Variants in LRRC37A2 observed in about 807,000 individuals in gnomAD.
LRRC37A2 encodes leucine rich repeat containing 37 member A2.
A neutral mutation model predicts 68.8 loss-of-function variants in LRRC37A2; 9 were observed. The ratio of observed to expected loss-of-function variants is 0.13; its 90% CI spans 0.08 to 0.23. LRRC37A2 has a LOEUF of 0.23. Ranked by LOEUF, LRRC37A2 falls within the 10% of genes least tolerant of loss-of-function variation. LRRC37A2 has a pLI of 1.00. For missense variants in LRRC37A2, 168 were observed against 950.4 expected, an observed-to-expected ratio of 0.18 and a Z score of 10.82; for synonymous variants, 63 against 367.6, an observed-to-expected ratio of 0.17 and a Z score of 9.48.
the LRRC37A2 span, among the ~76,000 whole-genome samples, chr17:46,902,743 AC>A: frequency 6.6e-6 from 1 of 152,056 alleles, no homozygotes; most frequent in African/African-American, 2.4e-5. Flanking sequence ...TGAGTAGCCA[AC>A]CCTGTGGTCA....
chr17:46,864,026 A>T, the LRRC37A2 span, among the ~76,000 whole-genome samples: 1 of 152,214 alleles, frequency 6.6e-6, no homozygotes, highest in Non-Finnish European at 1.5e-5. Flanking sequence ...TGTGCAAACA[A>T]TGGCACTGTC....
chr17:46,986,787 A>G, the LRRC37A2 span, among the ~76,000 whole-genome samples: 1 of 152,168 alleles, frequency 6.6e-6, no homozygotes, highest in Non-Finnish European at 1.5e-5. Flanking sequence ...TCCTGGACAC[A>G]GTGATCCTGG....
the LRRC37A2 span, among the ~76,000 whole-genome samples, chr17:46,747,836 G>A: frequency 6.6e-6 from 1 of 152,126 alleles, no homozygotes; most frequent in African/African-American, 2.4e-5. Flanking sequence ...AAATGAATGG[G>A]AGGAAATCTC....
chr17:46,947,775 T>C, the LRRC37A2 span, among the ~76,000 whole-genome samples: 1 of 152,342 alleles, frequency 6.6e-6, no homozygotes, highest in Admixed American at 6.5e-5. Flanking sequence ...AAATAGTTTT[T>C]TTTTCTTTTT....
At chr17:46,956,827 C>T in the LRRC37A2 span, among the ~76,000 whole-genome samples, 1 of 152,232 alleles carries the variant, frequency 6.6e-6, no homozygotes, top group African/African-American at 2.4e-5. Flanking sequence ...AGTCCCCTCA[C>T]TCCCGCCCCA....
the LRRC37A2 span, among the ~76,000 whole-genome samples, chr17:46,746,442 A>G: frequency 6.6e-6 from 1 of 152,228 alleles, no homozygotes; most frequent in Admixed American, 6.5e-5. Context: ...CAGTAGTGGT[A>G]TAATGTTTAC....
At chr17:46,558,553 A>ATTTT (rs58227880), downstream of LRRC37A2, among the ~76,000 whole-genome samples, 1 of 100,248 alleles carries the variant, frequency 1.0e-5, no homozygotes. Flanking sequence ...TGCCCGGCCA[A>ATTTT]TTTTTTTTTT....
chr17:46,881,184 T>A, the LRRC37A2 span, among the ~76,000 whole-genome samples: 1 of 152,182 alleles, frequency 6.6e-6, no homozygotes, highest in African/African-American at 2.4e-5. Context: ...CTGCCCCAGT[T>A]CTTCAGCCCT....
chr17:46,919,778 C>A, the LRRC37A2 span, among the ~76,000 whole-genome samples: 2 of 152,070 alleles, frequency 1.3e-5, no homozygotes, highest in South Asian at 2.1e-4. Flanking sequence ...GAAACCCTGT[C>A]TCTACTAAAA....
the LRRC37A2 span, among the ~76,000 whole-genome samples, chr17:47,012,311 T>G: frequency 6.6e-6 from 1 of 152,198 alleles, no homozygotes; most frequent in Non-Finnish European, 1.5e-5. Flanking sequence ...CCAGATTACC[T>G]TGGAAACCAT....
At chr17:47,017,662 G>A in the LRRC37A2 span, 22 of 1,610,638 alleles carry the variant, frequency 1.4e-5, no homozygotes, top group African/African-American at 1.1e-4. Flanking sequence ...CCAGCTCAGC[G>A]TTGGAGCCTT....
the LRRC37A2 span, chr17:46,948,876 G>T: frequency 6.6e-6 from 1 of 152,224 alleles, no homozygotes; most frequent in Non-Finnish European, 1.5e-5. Context: ...GAAAGATGAG[G>T]ATGATGATTG....
At chr17:47,030,869 T>C in the LRRC37A2 span, among the ~76,000 whole-genome samples, 2 of 152,144 alleles carry the variant, frequency 1.3e-5, no homozygotes, top group Non-Finnish European at 2.9e-5. Context: ...TTACACAAGT[T>C]TGTAAAAAAC....
the LRRC37A2 span, among the ~76,000 whole-genome samples, chr17:47,002,025 C>T: frequency 1.1e-3 from 170 of 152,248 alleles, 7 homozygotes; most frequent in East Asian, 0.03. Context: ...GGGTGTGAGC[C>T]ACCACGCCTG....
At chr17:46,728,730 T>C in the LRRC37A2 span, 1 of 509,734 alleles carries the variant, frequency 2.0e-6, no homozygotes, top group Non-Finnish European at 3.3e-6. Flanking sequence ...TTTCTTATTC[T>C]ATACATATTC....
the LRRC37A2 span, among the ~76,000 whole-genome samples, chr17:46,825,524 C>T: frequency 3.3e-5 from 5 of 152,254 alleles, no homozygotes; most frequent in South Asian, 6.2e-4. Context: ...TAACCCAGCT[C>T]CGGTTGATGC....
At chr17:46,732,790 A>C in the LRRC37A2 span, among the ~76,000 whole-genome samples, 1 of 152,198 alleles carries the variant, frequency 6.6e-6, no homozygotes, top group African/African-American at 2.4e-5. Context: ...CTGCAGGAGA[A>C]GAGATCGAGA....
At chr17:46,707,905 C>T in the LRRC37A2 span, among the ~76,000 whole-genome samples, 2 of 152,028 alleles carry the variant, frequency 1.3e-5, no homozygotes, top group South Asian at 4.2e-4. Flanking sequence ...TGGTGGCACA[C>T]ACCTGTAATC....
the LRRC37A2 span, among the ~76,000 whole-genome samples, chr17:46,796,583 A>G: frequency 1.3e-5 from 2 of 152,206 alleles, no homozygotes; most frequent in African/African-American, 4.8e-5. Flanking sequence ...GCACACAGAG[A>G]GGCAAGCGCA....
Sources: allele counts gnomAD v4.1 joint callset (sites outside exome capture counted in the v4.1 genomes callset), GRCh38; gene constraint gnomAD v4.1.1; transcripts MANE v1.5; gene names NCBI Gene and HGNC (gene_info 2026-07-23, HGNC 2026-07-21).